The following RAPGEF1 variants were observed in gnomAD, a reference collection of about 807,000 sequenced individuals.
RAPGEF1 encodes CRK SH3-binding GNRP.
In RAPGEF1, 33 loss-of-function variants were observed where a neutral mutation model predicts 143.3. That is an observed-to-expected ratio of 0.23 (90% CI 0.17 to 0.31). The LOEUF (loss-of-function observed/expected upper bound fraction) is 0.31. RAPGEF1 is among the 10% of genes least tolerant of loss of function. RAPGEF1 has a pLI of 1.00. For synonymous variants in RAPGEF1, 629 were observed against 676.5 expected (o/e 0.93, Z 1.09); for missense variants, 1,199 against 1,645.4 (o/e 0.73, Z 4.69).
intron 24 of RAPGEF1, 72 bp from the exon 25 acceptor site, chr9:131,582,774 G>T: frequency 7.5e-7 from 1 of 1,335,994 alleles, no homozygotes; most frequent in Non-Finnish European, 1.0e-6. Context: ...GCAGAGCCCT[G>T]GTCCTCCTCA....
chr9:131,603,456 G>T (rs1956603594), intron 14 of RAPGEF1, among the ~76,000 whole-genome samples: 1 of 152,216 alleles, frequency 6.6e-6, no homozygotes, highest in Non-Finnish European at 1.5e-5. Context: ...TCAGGAGGGG[G>T]TGTGCATAGT....
chr9:131,587,529 G>A (rs1183682804), intron 22 of RAPGEF1, among the ~76,000 whole-genome samples: 3 of 152,094 alleles, frequency 2.0e-5, no homozygotes, highest in Admixed American at 6.5e-5. Flanking sequence ...GAGCCTCCTC[G>A]ACCAGGTGGC....
At chr9:131,654,312 A>T (rs539111159) in intron 1 of RAPGEF1, among the ~76,000 whole-genome samples, 25 of 152,230 alleles carry the variant, frequency 1.6e-4, no homozygotes, top group Admixed American at 3.9e-4. Flanking sequence ...CTATTTTTTT[A>T]AAAAAGCCCA....
chr9:131,663,693 G>C (rs919765657), intron 1 of RAPGEF1, among the ~76,000 whole-genome samples: 20 of 152,068 alleles, frequency 1.3e-4, no homozygotes, highest in African/African-American at 4.6e-4. Flanking sequence ...CACAGTTCCT[G>C]GGTGGTATGT....
intron 1 of RAPGEF1, among the ~76,000 whole-genome samples, chr9:131,738,012 G>A (rs933989952): frequency 8.6e-5 from 13 of 151,546 alleles, no homozygotes; most frequent in Non-Finnish European, 1.5e-4. Context: ...ATGAGGTCTC[G>A]CCATTTTGCC....
chr9:131,730,116 C>T (rs2131329560), intron 1 of RAPGEF1, among the ~76,000 whole-genome samples: 1 of 147,012 alleles, frequency 6.8e-6, no homozygotes, highest in Middle Eastern at 3.5e-3. Flanking sequence ...ATGGCGTGAA[C>T]CCGGGAGGTG....
rs1235363493 is a variant in RAPGEF1 at position 131,628,785 on chromosome 9, A to G, written c.894-113T>C. ...TTCATTACTAGACTCTCCACACCCAATGTTCACACTTCAACTCCTGCCTAC... is the reference window on the plus strand; with the variant it reads ...TTCATTACTAGACTCTCCACACCCAGTGTTCACACTTCAACTCCTGCCTAC... On this transcript the variant is annotated intron_variant, in intron 7 of 26. Transcript: ENST00000683357. The surrounding 1 kb of genome is among the most constrained non-coding windows in gnomAD (Gnocchi z 5.7). 1.6e-5 allele frequency: 22 copies of G among 1,379,528 alleles called. No homozygotes were observed. The highest frequency in any genetic ancestry group is 2.1e-5 in the Non-Finnish European group (21 of 1,020,582). 85.5% of individuals were successfully genotyped at this position (1,379,528 alleles called of 1,614,324 possible). A position where few individuals can be genotyped will look rare whatever the true frequency, so the allele number is the denominator to read the frequency against.
Position 131,604,030 on chromosome 9 carries a change from A to C in RAPGEF1, c.2343T>G (p.Ala781=). ...ACAGATTGACATATTCACCCTCACC[A>C]GCTTCCTCACTGGCGTTTTCACTCT... ...TDSSENASEE[A]GEGEYVNLYS... Residue 781 remains alanine (A), a synonymous_variant, in exon 14 of 27, where the codon GCT becomes GCG. Transcript: ENST00000683357. 3.7e-6 allele frequency: 5 copies of C among 1,338,288 alleles called. No individual in the cohort carries two copies. The highest frequency in any genetic ancestry group is 5.0e-6 in the Non-Finnish European group (5 of 1,006,078). 82.9% of individuals were successfully genotyped at this position (1,338,288 alleles called of 1,614,324 possible).
chr9:131,603,196 T>G (rs1956555897), intron 14 of RAPGEF1, among the ~76,000 whole-genome samples: 2 of 151,884 alleles, frequency 1.3e-5, no homozygotes, highest in South Asian at 4.2e-4. Flanking sequence ...GTGACCAAGC[T>G]CTTCACGGGT....
At chr9:131,600,549 C>T (rs1418712476) in intron 15 of RAPGEF1, among the ~76,000 whole-genome samples, 1 of 152,162 alleles carries the variant, frequency 6.6e-6, no homozygotes, top group African/African-American at 2.4e-5. Flanking sequence ...CTATGCAATG[C>T]CTTCTCATTT....
At chr9:131,726,511 AGCTACTTGGG>A (rs1836680243) in intron 1 of RAPGEF1, among the ~76,000 whole-genome samples, 3 of 152,064 alleles carry the variant, frequency 2.0e-5, no homozygotes, top group Non-Finnish European at 4.4e-5. Context: ...CTATAATCCC[AGCTACTTGGG>A]AGGCTGAAGC....
At chr9:131,701,344 C>A (rs904230510) in intron 1 of RAPGEF1, among the ~76,000 whole-genome samples, 1 of 152,192 alleles carries the variant, frequency 6.6e-6, no homozygotes, top group Non-Finnish European at 1.5e-5. Flanking sequence ...CAAAACTACA[C>A]CCATACTTCT....
chr9:131,722,412 A>G (rs1265603779), intron 1 of RAPGEF1, among the ~76,000 whole-genome samples: 2 of 152,234 alleles, frequency 1.3e-5, no homozygotes, highest in Non-Finnish European at 2.9e-5. Context: ...CTGTGTTGTC[A>G]ACTCAGAGAG....
intron 1 of RAPGEF1, among the ~76,000 whole-genome samples, chr9:131,738,825 T>A (rs1837576079): frequency 6.6e-6 from 1 of 152,256 alleles, no homozygotes; most frequent in Non-Finnish European, 1.5e-5. Context: ...GTATCCCAGA[T>A]TCAACCCAGG....
At chr9:131,685,510 C>A (rs963592072) in intron 1 of RAPGEF1, among the ~76,000 whole-genome samples, 2 of 152,216 alleles carry the variant, frequency 1.3e-5, no homozygotes, top group African/African-American at 4.8e-5. Flanking sequence ...ATAACATGAG[C>A]GATCTGTGCC....
At chr9:131,714,142 G>A (rs531973489) in intron 1 of RAPGEF1, among the ~76,000 whole-genome samples, 21 of 151,868 alleles carry the variant, frequency 1.4e-4, no homozygotes, top group African/African-American at 5.1e-4. Context: ...TCAGCCTCCC[G>A]AGTAGCTGGA....
At chr9:131,658,675 C>T (rs774195392) in intron 1 of RAPGEF1, among the ~76,000 whole-genome samples, 7 of 152,194 alleles carry the variant, frequency 4.6e-5, no homozygotes, top group Non-Finnish European at 5.9e-5. Flanking sequence ...GAGGATGGGC[C>T]GGAGGAGAGG....
At chr9:131,683,213 A>G (rs1833062439) in intron 1 of RAPGEF1, among the ~76,000 whole-genome samples, 1 of 152,240 alleles carries the variant, frequency 6.6e-6, no homozygotes, top group South Asian at 2.1e-4. Context: ...ATAATTTTTG[A>G]TGGTGGCCAT....
intron 1 of RAPGEF1, among the ~76,000 whole-genome samples, chr9:131,673,449 C>A (rs1270274367): frequency 1.3e-5 from 2 of 152,338 alleles, no homozygotes; most frequent in East Asian, 3.9e-4. Flanking sequence ...TGAACTGTGT[C>A]CTCAGTGGAA....
Sources: allele counts gnomAD v4.1 joint callset (sites outside exome capture counted in the v4.1 genomes callset), GRCh38; gene constraint gnomAD v4.1.1; non-coding constraint Gnocchi (gnomAD v3.1); transcripts MANE v1.5; gene names NCBI Gene and HGNC (gene_info 2026-07-23, HGNC 2026-07-21).